The following GPR174 variants were observed in gnomAD, a reference collection of about 807,000 sequenced individuals.
The protein encoded by GPR174 is G protein-coupled receptor 174.
GPR174 carries 8 observed loss-of-function variants against 16.5 expected under a neutral mutation model. The observed-to-expected ratio is 0.48, with a 90% confidence interval of 0.28 to 0.87. The LOEUF is 0.87. GPR174 is among the 40% of genes least tolerant of loss of function. The pLI is 0.09. For missense variants in GPR174, 214 were observed against 247.5 expected (o/e 0.86, Z 0.91); for synonymous variants, 111 against 94.8 (o/e 1.17, Z -0.99).
intron 2 of GPR174, among the ~76,000 whole-genome samples, chrX:79,157,551 C>T (rs1451341719): frequency 5.4e-5 from 6 of 111,691 alleles, no homozygotes; most frequent in Non-Finnish European, 9.4e-5. Flanking sequence ...CAGCACCCAC[C>T]GGCCACTCTA....
In GPR174 at chrX:79,173,158, G is replaced by A. The variant is rs772271898; in HGVS notation, c.*1149G>A. 21 of 111,744 alleles carry A rather than the reference G, an allele frequency of 1.9e-4. 1 individual carries two copies. In the South Asian group the frequency reaches 7.9e-3, roughly 42 times the overall value. The allele number at this position is 111,744 out of a possible 1,213,427, so 9.2% of individuals were successfully genotyped here. ...GCATACATATTACAGTCAGTCACATGGACCCTAGAATCCACATTGATTTTT... is the reference window on the plus strand; with the variant it reads ...GCATACATATTACAGTCAGTCACATAGACCCTAGAATCCACATTGATTTTT... On this transcript the variant is annotated 3_prime_UTR_variant, in exon 3 of 3. Coordinates refer to ENST00000645147, the MANE Select transcript of GPR174 (RefSeq NM_032553.3).
At chrX:79,154,502 C>A (rs978392313) in intron 1 of GPR174, among the ~76,000 whole-genome samples, 1 of 111,395 alleles carries the variant, frequency 9.0e-6, no homozygotes, top group Non-Finnish European at 1.9e-5. Flanking sequence ...GACTATGGGT[C>A]TTGGATTGGA....
intron 2 of GPR174, among the ~76,000 whole-genome samples, chrX:79,165,069 C>T (rs999924214): frequency 9.0e-6 from 1 of 110,880 alleles, no homozygotes; most frequent in African/African-American, 3.3e-5. Flanking sequence ...GCCAACAATT[C>T]GTTTTTGTTA....
At chrX:79,151,390 T>C (rs1025317541) in intron 1 of GPR174, among the ~76,000 whole-genome samples, 2 of 111,573 alleles carry the variant, frequency 1.8e-5, no homozygotes, top group Non-Finnish European at 3.8e-5. Context: ...CAAAAAGATG[T>C]GTATATTTAA....
At chrX:79,145,850 GAA>G (rs1926490502) in intron 1 of GPR174, among the ~76,000 whole-genome samples, 1 of 111,325 alleles carries the variant, frequency 9.0e-6, no homozygotes, top group Non-Finnish European at 1.9e-5. Flanking sequence ...TATAATGAGA[GAA>G]AGAGGAAATA....
At position 79,144,936 on chromosome X, in the gene GPR174, T is replaced by TTTTC. The variant is rs201332176; in HGVS notation, c.-923_-920dup. 4 of 107,351 alleles carry TTTTC rather than the reference T, an allele frequency of 3.7e-5. No individual in the cohort carries two copies. Among genetic ancestry groups the TTTTC allele is most frequent in the Non-Finnish European group, 5.8e-5 (3 of 51,996 alleles). 8.8% of individuals were successfully genotyped at this position (107,351 alleles called of 1,213,427 possible). On this transcript the variant is annotated 5_prime_UTR_variant, in exon 1 of 3. Coordinates refer to ENST00000645147, the MANE Select transcript of GPR174 (RefSeq NM_032553.3). ...TCCTTCCCTCCTTCCTCTCCTTTCCTTTTCTTTCTTTCTTTTTCTTTCTTT... is the reference window on the plus strand; with the variant it reads ...TCCTTCCCTCCTTCCTCTCCTTTCCTTTTCTTTCTTTCTTTCTTTTTCTTTCTTT...
chrX:79,157,306 C>T lies in GPR174; in HGVS notation c.-557+388C>T, dbSNP rs144332174. On this transcript the variant is annotated intron_variant, in intron 2 of 2. Coordinates refer to ENST00000645147, the MANE Select transcript of GPR174 (RefSeq NM_032553.3). ...AATACTGCATTGAAATACTATTTCT[C>T]TTCATTACTGAGTTGTTTTTCAACC... Among the ~76,000 whole-genome samples the T allele has an allele frequency of 8.9e-3, 991 of 111,629 alleles. 9 individuals carry two copies. Among genetic ancestry groups the T allele is most frequent in the African/African-American group, 0.031 (941 of 30,672 alleles).
At position 79,171,694 on chromosome X, in the gene GPR174, G is replaced by T. The variant is rs764909916; in HGVS notation, c.687G>T (p.Leu229Phe). The change falls in exon 3 of 3, where the codon TTG becomes TTT. Residue 229 changes from leucine to phenylalanine, a missense_variant. Leu to Phe is a conservative substitution (Grantham distance 22). Transcript: ENST00000645147. ...ATCTTGGAGAGAAACAGAAAGCCTT[G>T]AAGATGATTCTAACCTGTGCAGGGG... ...AQDLGEKQKALKMILTCAGVF... is the reference protein window; with the variant it reads ...AQDLGEKQKAFKMILTCAGVF... The T allele has an allele frequency of 8.3e-7, 1 of 1,211,404 alleles. No homozygotes were observed. The highest frequency in any genetic ancestry group is 1.1e-6 in the Non-Finnish European group (1 of 895,265).
In GPR174 at chrX:79,162,691, C is replaced by T. The variant is rs371525395; in HGVS notation, c.-557+5773C>T. Among the ~76,000 whole-genome samples, 25 of 111,293 alleles carry T rather than the reference C, an allele frequency of 2.2e-4. No individual in the cohort carries two copies. The East Asian group carries it at 2.8e-3, about 12-fold the overall frequency. ...TAGTAAAAGTCTATTCTAATTGTTG[C>T]GAGGAATGCATAAATTAATAGGACA... On this transcript the variant is annotated intron_variant, in intron 2 of 2. Transcript: ENST00000645147.
intron 2 of GPR174, among the ~76,000 whole-genome samples, chrX:79,164,431 T>C (rs886678969): frequency 9.0e-6 from 1 of 110,854 alleles, no homozygotes; most frequent in African/African-American, 3.3e-5. Context: ...ACTTAAAGAG[T>C]CCAGCCATCT....
intron 2 of GPR174, among the ~76,000 whole-genome samples, chrX:79,157,203 A>G (rs1410174997): frequency 1.8e-5 from 2 of 112,326 alleles, no homozygotes; most frequent in African/African-American, 6.5e-5. Flanking sequence ...AAAAAAAATC[A>G]GTCATACTGA....
At position 79,170,883 on chromosome X, in the gene GPR174, G is replaced by A. The variant is rs41307268; in HGVS notation, c.-125G>A. The stretch of plus-strand genomic sequence containing the variant: ...GACTCAGACAGATGTGGTAAAAAGA[G>A]GAAGGTTATTTTATACTTCGTATCT... On this transcript the variant is annotated 5_prime_UTR_variant, in exon 3 of 3. Transcript: ENST00000645147. 93,810 of 547,729 alleles carry A rather than the reference G, an allele frequency of 0.17. 6,709 individuals are homozygous for A. The highest frequency in any genetic ancestry group is 0.31 in the African/African-American group (13,066 of 42,092). The allele number at this position is 547,729 out of a possible 1,213,427, so 45.1% of individuals were successfully genotyped here.
intron 2 of GPR174, among the ~76,000 whole-genome samples, chrX:79,159,366 A>G (rs1921179222): frequency 8.9e-6 from 1 of 112,221 alleles, no homozygotes. Context: ...AAATTTATTA[A>G]ATTATTTTTT....
In GPR174 at chrX:79,174,644, G is replaced by A. The variant is rs1404649091; in HGVS notation, c.*2635G>A. On this transcript the variant is annotated 3_prime_UTR_variant, in exon 3 of 3. Transcript: ENST00000645147. ...TTAAGAAATTAAGAAATGTATCCAT[G>A]AACATGGCTATCAGTTTCTCAGATG... The A allele has an allele frequency of 9.0e-6, 1 of 111,128 alleles. No homozygotes were observed. The highest frequency in any genetic ancestry group is 1.9e-5 in the Non-Finnish European group (1 of 53,034). The allele number at this position is 111,128 out of a possible 1,213,427, so 9.2% of individuals were successfully genotyped here.
rs1182603541 is a variant in GPR174, at chrX:79,173,170, C to T, written c.*1161C>T. On this transcript the variant is annotated 3_prime_UTR_variant, in exon 3 of 3. Coordinates refer to ENST00000645147, the MANE Select transcript of GPR174 (RefSeq NM_032553.3). Reference sequence around the variant, plus strand: ...CAGTCAGTCACATGGACCCTAGAATCCACATTGATTTTTTTTGGTCTAGCT... The same window carrying T: ...CAGTCAGTCACATGGACCCTAGAATTCACATTGATTTTTTTTGGTCTAGCT... 3 of 111,677 alleles carry T rather than the reference C, an allele frequency of 2.7e-5. No homozygotes were observed. The highest frequency in any genetic ancestry group is 9.8e-5 in the African/African-American group (3 of 30,698). The allele number at this position is 111,677 out of a possible 1,213,427, so 9.2% of individuals were successfully genotyped here. A position where few individuals can be genotyped will look rare whatever the true frequency, so the allele number is the denominator to read the frequency against.
chrX:79,147,940 G>A (rs971934792), intron 1 of GPR174, among the ~76,000 whole-genome samples: 4 of 111,531 alleles, frequency 3.6e-5, no homozygotes, highest in Non-Finnish European at 7.5e-5. Context: ...TGCTCCAGAG[G>A]CATCATTTTC....
chrX:79,155,998 C>T (rs1356007386), intron 1 of GPR174, among the ~76,000 whole-genome samples: 4 of 111,810 alleles, frequency 3.6e-5, no homozygotes. Flanking sequence ...TTCATTCTAC[C>T]AAGTAAAATG....
rs1921550061 is a variant in GPR174, at chrX:79,172,751, A to G, written c.*742A>G. On this transcript the variant is annotated 3_prime_UTR_variant, in exon 3 of 3. Coordinates refer to ENST00000645147, the MANE Select transcript of GPR174 (RefSeq NM_032553.3). The stretch of plus-strand genomic sequence containing the variant: ...TCTACCTAGGACAGGTAGTTTGTCA[A>G]AGTCCATACAAGGTGACTCAATTGG... The G allele has an allele frequency of 8.9e-6, 1 of 111,805 alleles. No homozygotes were observed. Among genetic ancestry groups the G allele is most frequent in the Non-Finnish European group, 1.9e-5 (1 of 53,138 alleles). The allele number at this position is 111,805 out of a possible 1,213,427, so 9.2% of individuals were successfully genotyped here.
intron 2 of GPR174, among the ~76,000 whole-genome samples, chrX:79,159,887 C>T (rs1173746731): frequency 9.0e-6 from 1 of 111,220 alleles, no homozygotes; most frequent in Non-Finnish European, 1.9e-5. Context: ...AAATGGGCAC[C>T]CAGAGAAATT....
Sources: allele counts gnomAD v4.1 joint callset (sites outside exome capture counted in the v4.1 genomes callset), GRCh38; gene constraint gnomAD v4.1.1; transcripts MANE v1.5; gene names NCBI Gene and HGNC (gene_info 2026-07-23, HGNC 2026-07-21).